SLC5A7: variants seen among roughly 807,000 people sequenced by gnomAD.
SLC5A7 encodes high affinity choline transporter 1.
A neutral mutation model predicts 55.4 loss-of-function variants in SLC5A7; 19 were observed. That is an observed-to-expected ratio of 0.34 (90% CI 0.24 to 0.50). The LOEUF (loss-of-function observed/expected upper bound fraction) is 0.50. Ranked by LOEUF, SLC5A7 falls within the 20% of genes least tolerant of loss-of-function variation. SLC5A7 has a pLI of 0.98. For missense variants in SLC5A7, 506 were observed against 705.3 expected (o/e 0.72, Z 3.20); for synonymous variants, 265 against 263.7 (o/e 1.00, Z -0.05).
chr2:107,990,973 A>T (rs892503580), intron 2 of SLC5A7, among the ~76,000 whole-genome samples: 2 of 152,184 alleles, frequency 1.3e-5, no homozygotes, highest in Non-Finnish European at 2.9e-5. Context: ...ATAACTTTAC[A>T]CAAATTCTGT....
intron 6 of SLC5A7, among the ~76,000 whole-genome samples, chr2:108,002,522 C>G (rs1195708900): frequency 3.9e-5 from 6 of 152,046 alleles, no homozygotes; most frequent in African/African-American, 1.4e-4. Context: ...AAGAGAGAGG[C>G]CCTCAGGAGC....
In SLC5A7 at chr2:108,012,564, T is replaced by G. The variant is rs529834505; in HGVS notation, c.*1703T>G. The G allele has an allele frequency of 6.6e-6, 1 of 152,262 alleles. No individual in the cohort carries two copies. The highest frequency in any genetic ancestry group is 2.1e-4 in the South Asian group (1 of 4,832). 9.4% of individuals were successfully genotyped at this position (152,262 alleles called of 1,614,324 possible). A position where few individuals can be genotyped will look rare whatever the true frequency, so the allele number is the denominator to read the frequency against. ...TTTTAAAAGAGGAAATTAAATAATT[T>G]TACATGTCTCATATTTTCAGTGCTT... On this transcript the variant is annotated 3_prime_UTR_variant, in exon 9 of 9. Coordinates refer to ENST00000264047, the MANE Select transcript of SLC5A7 (RefSeq NM_021815.5).
chr2:107,997,850 GC>G lies in SLC5A7; in HGVS notation c.462del (p.Ser154ArgfsTer2). 6.2e-7 allele frequency: 1 copy of G among 1,609,378 alleles called. No individual in the cohort carries two copies. Among genetic ancestry groups the G allele is most frequent in the Non-Finnish European group, 8.5e-7 (1 of 1,177,590 alleles). ...TTGTTTGTTTCAGGAGCCACCATCA[GC>G]GTGATCATCGATGTGGATATGCACA... is the stretch of plus-strand genomic sequence containing the variant. ...AIFSALGATISVIIDVDMHIS... is the reference protein window; with the variant it reads ...AIFSALGATIXVIIDVDMHIS... On this transcript the variant is annotated frameshift_variant, in exon 5 of 9. Transcript: ENST00000264047. LOFTEE classifies it high-confidence loss of function.
intron 5 of SLC5A7, 134 bp downstream of exon 5, chr2:107,998,120 T>C (rs1573601457): frequency 1.1e-6 from 1 of 870,700 alleles, no homozygotes; most frequent in East Asian, 3.1e-5. Flanking sequence ...TACATGAAAT[T>C]TCAAATTTCT....
At position 108,012,051 on chromosome 2, in the gene SLC5A7, T is replaced by C. The variant is rs552222059; in HGVS notation, c.*1190T>C. ...AGAAGAAAGCAAAAAATAAAATAAG[T>C]CCTAAAGTGAAGAAGCCATCAATTT... is the stretch of plus-strand genomic sequence containing the variant. On this transcript the variant is annotated 3_prime_UTR_variant, in exon 9 of 9. Coordinates refer to ENST00000264047, the MANE Select transcript of SLC5A7 (RefSeq NM_021815.5). The C allele has an allele frequency of 6.6e-6, 1 of 152,624 alleles. No individual in the cohort carries two copies. The highest frequency in any genetic ancestry group is 2.4e-5 in the African/African-American group (1 of 41,530). The allele number at this position is 152,624 out of a possible 1,614,324, so 9.5% of individuals were successfully genotyped here.
intron 5 of SLC5A7, among the ~76,000 whole-genome samples, chr2:108,001,480 C>G (rs1217661268): frequency 6.6e-6 from 1 of 151,250 alleles, no homozygotes; most frequent in African/African-American, 2.4e-5. Flanking sequence ...GAGACCATCC[C>G]GGCTATAACG....
At chr2:107,988,031 G>T in intron 1 of SLC5A7, 74 bp from the exon 2 acceptor site, 1 of 923,068 alleles carries the variant, frequency 1.1e-6, no homozygotes, top group Non-Finnish European at 1.6e-6. Context: ...GCATGAGCCA[G>T]CTGGTTTATT....
In SLC5A7 at chr2:107,998,744, A is replaced by T. The variant is rs187442004; in HGVS notation, c.597+758A>T. ...TCTCACCATACACATATATTATCCC[A>T]GTTGTAGATTCTTTAGGGGCAATGC... is the stretch of plus-strand genomic sequence containing the variant. On this transcript the variant is annotated intron_variant, in intron 5 of 8. Transcript: ENST00000264047. Among the ~76,000 whole-genome samples, 419 of 152,292 alleles carry T rather than the reference A, an allele frequency of 2.8e-3. 6 individuals carry two copies. The highest frequency in any genetic ancestry group is 4.9e-4 in the Non-Finnish European group (33 of 68,022).
chr2:108,010,591 C>A lies in SLC5A7; in HGVS notation c.1473C>A (p.Asn491Lys). ...CCATGGTTACATCATTCTTAACCAA[C>A]ATTTGCATCTCCTATCTAGCCAAGT... ...TLAMVTSFLT[N>K]ICISYLAKYL... The change falls in exon 9 of 9, where the codon AAC (asparagine) becomes AAA (lysine). Residue 491 changes from asparagine to lysine, a missense_variant. Coordinates refer to ENST00000264047, the MANE Select transcript of SLC5A7 (RefSeq NM_021815.5). 1 of 1,613,964 alleles carries A rather than the reference C, an allele frequency of 6.2e-7. No homozygotes were observed. The highest frequency in any genetic ancestry group is 8.5e-7 in the Non-Finnish European group (1 of 1,179,948).
At chr2:108,003,576 A>G (rs1344852562) in intron 6 of SLC5A7, among the ~76,000 whole-genome samples, 2 of 152,154 alleles carry the variant, frequency 1.3e-5, no homozygotes, top group Non-Finnish European at 2.9e-5. Context: ...TACATCCCCT[A>G]TGTGAAGATG....
intron 5 of SLC5A7, 53 bp from the exon 6 acceptor site, chr2:108,001,844 A>G (rs934471555): frequency 1.2e-6 from 2 of 1,600,480 alleles, no homozygotes; most frequent in South Asian, 1.1e-5. Context: ...TCTTGCATAT[A>G]TCAGACAGTT....
chr2:107,987,314 C>T (rs1171867656), intron 1 of SLC5A7, among the ~76,000 whole-genome samples: 2 of 152,162 alleles, frequency 1.3e-5, no homozygotes, highest in Non-Finnish European at 2.9e-5. Flanking sequence ...ATTTTAATAT[C>T]TTTGAGGCTT....
chr2:108,004,811 A>G (rs1168347946), intron 6 of SLC5A7, among the ~76,000 whole-genome samples: 1 of 152,008 alleles, frequency 6.6e-6, no homozygotes, highest in Non-Finnish European at 1.5e-5. Context: ...AATGCTCTCA[A>G]AGCCTATGGA....
intron 8 of SLC5A7, 145 bp downstream of exon 8, chr2:108,008,827 C>T (rs1387321548): frequency 1.8e-6 from 1 of 553,096 alleles, no homozygotes; most frequent in Admixed American, 3.7e-5. Flanking sequence ...GATTAAATAA[C>T]AAATTATACC....
chr2:107,993,349 C>T (rs912636974), intron 4 of SLC5A7, among the ~76,000 whole-genome samples: 5 of 152,132 alleles, frequency 3.3e-5, no homozygotes, highest in Non-Finnish European at 5.9e-5. Flanking sequence ...ACTTGAATTG[C>T]CTCATTAGAC....
At chr2:107,987,672 G>A (rs1677300280) in intron 1 of SLC5A7, among the ~76,000 whole-genome samples, 1 of 152,108 alleles carries the variant, frequency 6.6e-6, no homozygotes, top group Non-Finnish European at 1.5e-5. Context: ...AAAATTTTCA[G>A]AATGGTCATT....
At chr2:107,999,800 T>A (rs891119991) in intron 5 of SLC5A7, among the ~76,000 whole-genome samples, 1 of 152,122 alleles carries the variant, frequency 6.6e-6, no homozygotes, top group African/African-American at 2.4e-5. Context: ...CTTGTAAGGG[T>A]TGTTGGCTCA....
At chr2:107,994,423 A>G (rs772259993) in intron 4 of SLC5A7, among the ~76,000 whole-genome samples, 2 of 152,024 alleles carry the variant, frequency 1.3e-5, no homozygotes, top group Non-Finnish European at 2.9e-5. Flanking sequence ...CTCTACTAAA[A>G]ATACAAAAAA....
chr2:107,991,302 T>C (rs1432924989), intron 2 of SLC5A7, among the ~76,000 whole-genome samples: 1 of 152,174 alleles, frequency 6.6e-6, no homozygotes, highest in Admixed American at 6.5e-5. Flanking sequence ...GTAAATATCT[T>C]ACTAAAAGAT....
Sources: gnomAD v4.1 joint callset for allele counts (sites outside exome capture counted in the v4.1 genomes callset) on GRCh38, gnomAD v4.1.1 for gene constraint, MANE v1.5 for transcripts, NCBI Gene and HGNC (gene_info 2026-07-23, HGNC 2026-07-21) for gene names.